Variants in C12orf42 observed in about 807,000 individuals in gnomAD.
C12orf42 encodes chromosome 12 open reading frame 42.
A neutral mutation model predicts 21.6 loss-of-function variants in C12orf42; 25 were observed. The observed-to-expected ratio is 1.16, with a 90% CI of 0.84 to 1.62. The LOEUF is 1.62. Among genes scored for constraint, C12orf42 ranks in the 40% most tolerant of loss-of-function variants. The pLI is 0.00. For missense variants in C12orf42, 483 were observed against 459.3 expected, an observed-to-expected ratio of 1.05 and a Z score of -0.47; for synonymous variants, 174 against 175.0, an observed-to-expected ratio of 0.99 and a Z score of 0.05.
the C12orf42 span, among the ~76,000 whole-genome samples, chr12:103,160,551 T>C: frequency 1.3e-5 from 2 of 152,150 alleles, no homozygotes; most frequent in Non-Finnish European, 2.9e-5. Flanking sequence ...ATTTACAAGG[T>C]ATGGGATGGA....
chr12:103,411,963 T>C lies in C12orf42; in HGVS notation c.79-10288A>G, dbSNP rs142642088. ...ACATACTTCTACTCTAAATATGTTA[T>C]AGAGGAGCCCAAGATGGTTACCAAT... On this transcript the variant is annotated intron_variant, in intron 2 of 5. Coordinates refer to ENST00000548883, the MANE Select transcript of C12orf42 (RefSeq NM_198521.5). Among the ~76,000 whole-genome samples the C allele has an allele frequency of 3.3e-5, 5 of 152,286 alleles. No homozygotes were observed. In the East Asian group the frequency reaches 5.8e-4, roughly 18 times the overall value.
At chr12:103,059,739 T>C in the C12orf42 span, among the ~76,000 whole-genome samples, 5 of 152,196 alleles carry the variant, frequency 3.3e-5, no homozygotes, top group African/African-American at 1.2e-4. Flanking sequence ...TGTCAAGGAT[T>C]ATCTCAGTAA....
At chr12:103,215,227 A>AATACTAAC in the C12orf42 span, among the ~76,000 whole-genome samples, 1 of 152,078 alleles carries the variant, frequency 6.6e-6, no homozygotes, top group East Asian at 1.9e-4. Context: ...TTATTATATT[A>AATACTAAC]ATACTAACAC....
At chr12:103,298,134 G>A (rs4297518), downstream of C12orf42, among the ~76,000 whole-genome samples, 12,596 of 151,524 alleles carry the variant, frequency 0.083, 517 homozygotes, top group East Asian at 0.18. Flanking sequence ...GAAATAAAGG[G>A]TATTCAATTA....
chr12:103,286,111 C>T (rs1310259786), intron 4 of C12orf42, among the ~76,000 whole-genome samples: 3 of 151,852 alleles, frequency 2.0e-5, no homozygotes, highest in South Asian at 2.1e-4. Flanking sequence ...ATCAGCTGGG[C>T]GTGGTGGCAG....
At chr12:103,094,010 T>C in the C12orf42 span, among the ~76,000 whole-genome samples, 1 of 152,168 alleles carries the variant, frequency 6.6e-6, no homozygotes. Flanking sequence ...AAGTCCAAAG[T>C]GTATTTGGCT....
At chr12:103,497,798 G>A (rs12315258), upstream of C12orf42, among the ~76,000 whole-genome samples, 18,913 of 152,126 alleles carry the variant, frequency 0.12, 1,316 homozygotes, top group East Asian at 0.22. Flanking sequence ...TTGGGAGGCC[G>A]AGGCAGGCGG....
At chr12:103,367,907 C>A in intron 4 of C12orf42, 1 of 398,680 alleles carries the variant, frequency 2.5e-6, no homozygotes, top group Non-Finnish European at 4.2e-6. Flanking sequence ...TTCAATGGCC[C>A]TGATATGAAT....
chr12:103,300,721 A>G (rs1022479242), downstream of C12orf42, among the ~76,000 whole-genome samples: 1 of 152,204 alleles, frequency 6.6e-6, no homozygotes, highest in Non-Finnish European at 1.5e-5. Context: ...AAACTTCTAC[A>G]TAAGTCCATG....
intron 1 of C12orf42, among the ~76,000 whole-genome samples, chr12:103,494,388 A>T (rs577033491): frequency 6.6e-6 from 1 of 152,342 alleles, no homozygotes; most frequent in South Asian, 2.1e-4. Flanking sequence ...CTATGACATT[A>T]GTTTCGACAG....
intron 4 of C12orf42, among the ~76,000 whole-genome samples, chr12:103,295,412 T>C (rs980790553): frequency 7.6e-5 from 11 of 144,506 alleles, no homozygotes; most frequent in Non-Finnish European, 1.5e-4. Flanking sequence ...ACTGCATACA[T>C]TGTTTTTTTT....
chr12:103,477,740 A>G (rs370362674), intron 2 of C12orf42, among the ~76,000 whole-genome samples: 1 of 152,144 alleles, frequency 6.6e-6, no homozygotes, highest in African/African-American at 2.4e-5. Context: ...AATCTCCTCT[A>G]AAGTCTATAG....
chr12:103,249,431 C>A (rs915704856), intron 10 of C12orf42, among the ~76,000 whole-genome samples: 22 of 151,964 alleles, frequency 1.4e-4, no homozygotes, highest in African/African-American at 5.3e-4. Context: ...CTGACTAAGA[C>A]CAGCTGGTCC....
intron 4 of C12orf42, among the ~76,000 whole-genome samples, chr12:103,318,826 G>C (rs2039795558): frequency 7.0e-6 from 1 of 142,114 alleles, no homozygotes; most frequent in African/African-American, 2.8e-5. Context: ...TTCAGGAATT[G>C]TACTCACACA....
chr12:103,475,124 A>T (rs1947616464), intron 2 of C12orf42, among the ~76,000 whole-genome samples: 1 of 152,218 alleles, frequency 6.6e-6, no homozygotes, highest in South Asian at 2.1e-4. Context: ...GCCATCTTCC[A>T]TTGAGAAGAC....
intron 10 of C12orf42, among the ~76,000 whole-genome samples, chr12:103,238,246 C>T (rs776728977): frequency 4.6e-5 from 7 of 151,394 alleles, no homozygotes; most frequent in Non-Finnish European, 5.9e-5. Context: ...TTTTAACCTA[C>T]TGTGTGTGGC....
the C12orf42 span, among the ~76,000 whole-genome samples, chr12:103,185,742 A>T: frequency 6.6e-6 from 1 of 152,152 alleles, no homozygotes; most frequent in Non-Finnish European, 1.5e-5. Context: ...TGGTTTCGTC[A>T]GGGGTTTCTG....
At chr12:103,242,925 G>A (rs748121998) in intron 10 of C12orf42, among the ~76,000 whole-genome samples, 3 of 152,094 alleles carry the variant, frequency 2.0e-5, no homozygotes, top group Admixed American at 6.6e-5. Flanking sequence ...CATGGTGCTT[G>A]TGTAATATTG....
intron 4 of C12orf42, among the ~76,000 whole-genome samples, chr12:103,336,806 G>A (rs2041739073): frequency 6.6e-6 from 1 of 152,150 alleles, no homozygotes; most frequent in Admixed American, 6.5e-5. Context: ...GCAGCTTGAA[G>A]TGGCTCCCTT....
Sources: allele counts gnomAD v4.1 joint callset (sites outside exome capture counted in the v4.1 genomes callset), GRCh38; gene constraint gnomAD v4.1.1; transcripts MANE v1.5; gene names NCBI Gene and HGNC (gene_info 2026-07-23, HGNC 2026-07-21).